Variants in ZSCAN5A observed in about 807,000 individuals in gnomAD.
ZSCAN5A encodes the protein zinc finger and SCAN domain-containing protein 5A.
Under a neutral mutation model 23.7 loss-of-function variants are expected in ZSCAN5A, and 12 were observed. The observed-to-expected ratio is 0.51, with a 90% CI of 0.32 to 0.82. ZSCAN5A has a LOEUF of 0.82. ZSCAN5A is among the 40% of genes least tolerant of loss of function. ZSCAN5A has a pLI of 0.03. For synonymous variants in ZSCAN5A, 257 were observed against 239.9 expected (o/e 1.07, Z -0.66); for missense variants, 597 against 617.9 (o/e 0.97, Z 0.36).
intron 2 of ZSCAN5A, among the ~76,000 whole-genome samples, chr19:56,260,070 A>C (rs527397163): frequency 6.6e-6 from 1 of 152,228 alleles, no homozygotes; most frequent in African/African-American, 2.4e-5. Context: ...ATCGGCAAGG[A>C]GAACACCACT....
At chr19:56,266,192 A>T (rs1306219257) in intron 2 of ZSCAN5A, 1 of 152,194 alleles carries the variant, frequency 6.6e-6, no homozygotes, top group African/African-American at 2.4e-5. Context: ...GCACATCATA[A>T]TCACCCAATT....
chr19:56,303,677 G>A (rs777686832), intron 2 of ZSCAN5A, among the ~76,000 whole-genome samples: 1 of 152,120 alleles, frequency 6.6e-6, no homozygotes, highest in Non-Finnish European at 1.5e-5. Context: ...TAAGGTCCTT[G>A]AGTCCCCAGG....
intron 2 of ZSCAN5A, chr19:56,282,373 G>A (rs2038779208): frequency 1.1e-5 from 5 of 453,276 alleles, no homozygotes; most frequent in Non-Finnish European, 1.5e-5. Flanking sequence ...CCTATGGGGT[G>A]CAATGAGGTA....
intron 2 of ZSCAN5A, chr19:56,243,968 C>G (rs555104039): frequency 2.3e-5 from 14 of 621,536 alleles, no homozygotes; most frequent in South Asian, 1.0e-4. Flanking sequence ...GGAGGCCTGT[C>G]TAGATAGGTC....
Position 56,351,971 on chromosome 19 carries a change from C to T in ZSCAN5A, c.-358+11264G>A, listed in dbSNP as rs2041670133. Among the ~76,000 whole-genome samples the T allele has an allele frequency of 6.6e-6, 1 of 152,160 alleles. No individual in the cohort carries two copies. The highest frequency in any genetic ancestry group is 2.4e-5 in the African/African-American group (1 of 41,432). ...CGGGATGAAGATGTCATTACACTTT[C>T]TTACCCAAAGTCAGGTAGGGAAGTG... is the stretch of plus-strand genomic sequence containing the variant. On this transcript the variant is annotated intron_variant, in intron 2 of 6. Transcript: ENST00000587340. This position sits in a 1 kb window ranked among gnomAD's most constrained non-coding sequence, Gnocchi z 4.8.
At chr19:56,337,211 C>G (rs966031427) in intron 2 of ZSCAN5A, among the ~76,000 whole-genome samples, 4 of 152,252 alleles carry the variant, frequency 2.6e-5, no homozygotes, top group African/African-American at 7.2e-5. Flanking sequence ...CAGGCCTCCT[C>G]GAGCTGTGGT....
chr19:56,242,857 C>A (rs551465443), intron 2 of ZSCAN5A, among the ~76,000 whole-genome samples: 1 of 152,300 alleles, frequency 6.6e-6, no homozygotes, highest in Non-Finnish European at 1.5e-5. Flanking sequence ...CGGCTCACTA[C>A]AACTTCCACC....
At chr19:56,321,985 G>T (rs921661687) in intron 2 of ZSCAN5A, 3 of 779,854 alleles carry the variant, frequency 3.8e-6, no homozygotes, top group African/African-American at 1.7e-5. Context: ...TAGTGCTTCT[G>T]CTGCTGGTCC....
intron 2 of ZSCAN5A, among the ~76,000 whole-genome samples, chr19:56,346,208 C>T (rs923976315): frequency 2.0e-5 from 3 of 148,102 alleles, no homozygotes; most frequent in East Asian, 2.0e-4. Context: ...AAAACAGCAA[C>T]GAAAACAGAA....
intron 2 of ZSCAN5A, chr19:56,266,899 T>A (rs924338772): frequency 1.3e-5 from 2 of 152,382 alleles, no homozygotes; most frequent in African/African-American, 4.8e-5. Flanking sequence ...CACTCAGGTT[T>A]GTTGACAATC....
chr19:56,344,118 T>A (rs544470757), intron 2 of ZSCAN5A, among the ~76,000 whole-genome samples: 119 of 152,356 alleles, frequency 7.8e-4, no homozygotes, highest in Middle Eastern at 3.4e-3. Flanking sequence ...TGACTCCATC[T>A]TGACTCTAAC....
chr19:56,249,130 G>C (rs939218947), intron 2 of ZSCAN5A, among the ~76,000 whole-genome samples: 1 of 152,134 alleles, frequency 6.6e-6, no homozygotes, highest in Admixed American at 6.5e-5. Context: ...AGAGGCATTG[G>C]GAGTCTCTGG....
intron 2 of ZSCAN5A, among the ~76,000 whole-genome samples, chr19:56,353,919 C>A (rs56188114): frequency 0.067 from 10,245 of 152,258 alleles, 377 homozygotes; most frequent in Middle Eastern, 0.13. Context: ...AACAGATAAA[C>A]AGAATGTACT....
intron 2 of ZSCAN5A, among the ~76,000 whole-genome samples, chr19:56,267,639 T>C (rs1451867135): frequency 6.6e-6 from 1 of 152,206 alleles, no homozygotes; most frequent in African/African-American, 2.4e-5. Flanking sequence ...TGGACAGGGC[T>C]GGTTTAGAGC....
chr19:56,331,813 T>C (rs1441029207), intron 2 of ZSCAN5A, among the ~76,000 whole-genome samples: 1 of 151,990 alleles, frequency 6.6e-6, no homozygotes, highest in Non-Finnish European at 1.5e-5. Flanking sequence ...CTTGAACTCC[T>C]GACCTCAGGT....
At chr19:56,247,471 A>G (rs2036010676) in intron 2 of ZSCAN5A, 1 of 163,620 alleles carries the variant, frequency 6.1e-6, no homozygotes, top group African/African-American at 2.4e-5. Flanking sequence ...TCAAGAAACC[A>G]CTGCACCCAG....
intron 2 of ZSCAN5A, chr19:56,263,167 T>C (rs534613613): frequency 9.2e-5 from 14 of 152,280 alleles, no homozygotes; most frequent in African/African-American, 3.1e-4. Flanking sequence ...TCCAAGAAGA[T>C]TGCCCACATA....
chr19:56,263,452 C>T (rs1439699194), intron 2 of ZSCAN5A: 1 of 152,146 alleles, frequency 6.6e-6, no homozygotes, highest in Non-Finnish European at 1.5e-5. Flanking sequence ...GAAGGAGGCT[C>T]GTTGAATTTA....
intron 2 of ZSCAN5A, among the ~76,000 whole-genome samples, chr19:56,233,750 C>T (rs929123944): frequency 2.0e-5 from 3 of 150,838 alleles, no homozygotes; most frequent in Non-Finnish European, 4.4e-5. Context: ...TATCAGCAGA[C>T]ACTTCCTGGC....
Sources: gnomAD v4.1 joint callset for allele counts (sites outside exome capture counted in the v4.1 genomes callset) on GRCh38, gnomAD v4.1.1 for gene constraint, Gnocchi (gnomAD v3.1) non-coding constraint, MANE v1.5 for transcripts, NCBI Gene and HGNC (gene_info 2026-07-23, HGNC 2026-07-21) for gene names.